CDKAL1: variants seen among roughly 807,000 people sequenced by gnomAD.
CDKAL1 encodes threonylcarbamoyladenosine tRNA methylthiotransferase.
In CDKAL1, 32 loss-of-function variants were observed where a neutral mutation model predicts 68.2. The ratio of observed to expected loss-of-function variants is 0.47; its 90% CI spans 0.35 to 0.63. The LOEUF (loss-of-function observed/expected upper bound fraction) is 0.63. Among genes scored for constraint, CDKAL1 ranks in the 30% least tolerant of loss-of-function variants. CDKAL1 has a pLI of 0.00. For missense variants in CDKAL1, 606 were observed against 696.7 expected (o/e 0.87, Z 1.47); for synonymous variants, 234 against 244.3 (o/e 0.96, Z 0.39).
At chr6:20,588,441 A>G (rs889490628) in intron 4 of CDKAL1, among the ~76,000 whole-genome samples, 11 of 152,192 alleles carry the variant, frequency 7.2e-5, no homozygotes, top group African/African-American at 2.7e-4. Flanking sequence ...AAAATTATAA[A>G]CATTTATAAA....
chr6:20,990,654 C>T (rs531757987), intron 10 of CDKAL1, among the ~76,000 whole-genome samples: 27 of 152,322 alleles, frequency 1.8e-4, no homozygotes, highest in African/African-American at 6.0e-4. Flanking sequence ...CATTCACTTT[C>T]TGATGCGATT....
At chr6:21,029,040 CTCTTT>C (rs1327622010) in intron 11 of CDKAL1, among the ~76,000 whole-genome samples, 1 of 151,942 alleles carries the variant, frequency 6.6e-6, no homozygotes, top group Non-Finnish European at 1.5e-5. Flanking sequence ...TCATTAACCT[CTCTTT>C]TCTTTTCTTT....
intron 11 of CDKAL1, among the ~76,000 whole-genome samples, chr6:21,033,025 G>A (rs1348934001): frequency 6.6e-6 from 1 of 152,098 alleles, no homozygotes; most frequent in Non-Finnish European, 1.5e-5. Context: ...TGAGGTGAGG[G>A]GATCCCCAAC....
chr6:21,120,159 G>A (rs1428267601), intron 13 of CDKAL1, among the ~76,000 whole-genome samples: 2 of 152,194 alleles, frequency 1.3e-5, no homozygotes, highest in Non-Finnish European at 2.9e-5. Context: ...TTTCCTAGGA[G>A]GCAGGCAGAA....
At chr6:20,732,283 T>TTTTTTTTTTTTTTTTTTTTTG (rs1554112044) in intron 5 of CDKAL1, among the ~76,000 whole-genome samples, 1 of 117,488 alleles carries the variant, frequency 8.5e-6, no homozygotes, top group Non-Finnish European at 1.8e-5. Flanking sequence ...TTTTTTTTTT[T>TTTTTTTTTTTTTTTTTTTTTG]TTGTTGTTGT....
chr6:20,991,064 A>G (rs1480174171), intron 10 of CDKAL1, among the ~76,000 whole-genome samples: 1 of 152,248 alleles, frequency 6.6e-6, no homozygotes, highest in African/African-American at 2.4e-5. Flanking sequence ...TGCTAATACA[A>G]ATCTATACAT....
At chr6:20,787,471 C>A (rs931080988) in intron 8 of CDKAL1, among the ~76,000 whole-genome samples, 2 of 152,150 alleles carry the variant, frequency 1.3e-5, no homozygotes, top group African/African-American at 4.8e-5. Context: ...AAAGCAAGTC[C>A]TAGTCCACAG....
At chr6:20,777,093 G>A (rs1285648811) in intron 7 of CDKAL1, among the ~76,000 whole-genome samples, 1 of 152,208 alleles carries the variant, frequency 6.6e-6, no homozygotes, top group African/African-American at 2.4e-5. Context: ...TGGGAGCTGA[G>A]CTAGCGCTAT....
chr6:21,106,142 G>T (rs1360770300), intron 12 of CDKAL1, among the ~76,000 whole-genome samples: 2 of 152,130 alleles, frequency 1.3e-5, no homozygotes, highest in South Asian at 4.1e-4. Context: ...TTTAAATACA[G>T]TCAGGCTGGC....
At chr6:20,756,737 C>T (rs1384021191) in intron 6 of CDKAL1, 5 of 152,200 alleles carry the variant, frequency 3.3e-5, no homozygotes, top group Non-Finnish European at 5.9e-5. Context: ...CAGGTCTGCT[C>T]TCACAAGCCT....
chr6:20,626,812 A>G (rs757740582), intron 4 of CDKAL1, among the ~76,000 whole-genome samples: 8 of 152,186 alleles, frequency 5.3e-5, no homozygotes, highest in Non-Finnish European at 1.0e-4. Context: ...GCATGGATCA[A>G]CAACAGCATC....
At chr6:21,153,999 C>T (rs1431896847) in intron 13 of CDKAL1, among the ~76,000 whole-genome samples, 1 of 152,112 alleles carries the variant, frequency 6.6e-6, no homozygotes, top group Non-Finnish European at 1.5e-5. Flanking sequence ...GATATTCATG[C>T]CTGCCTTTAA....
At chr6:20,586,876 C>T (rs1281390141) in intron 4 of CDKAL1, among the ~76,000 whole-genome samples, 2 of 152,012 alleles carry the variant, frequency 1.3e-5, no homozygotes, top group Non-Finnish European at 2.9e-5. Context: ...ACTTCATCTC[C>T]TGCTACCACT....
rs71540608 is a variant in CDKAL1 at position 21,003,343 on chromosome 6, AATATATAT to A, written c.1055+2993_1055+3000del. ...CAACATGGTGAAACCATCTCTACTA[AATATATAT>A]ATATATATATATATATATATACACA... On this transcript the variant is annotated intron_variant, in intron 11 of 15. Transcript: ENST00000274695. Among the ~76,000 whole-genome samples the A allele has an allele frequency of 7.9e-4, 32 of 40,446 alleles. 2 individuals carry two copies. The highest frequency in any genetic ancestry group is 1.3e-3 in the African/African-American group (15 of 11,296). 26.5% of individuals were successfully genotyped at this position (40,446 alleles called of 152,430 possible). A position where few individuals can be genotyped will look rare whatever the true frequency, so the allele number is the denominator to read the frequency against.
chr6:20,769,144 G>A (rs1388731854), intron 7 of CDKAL1, among the ~76,000 whole-genome samples: 3 of 151,818 alleles, frequency 2.0e-5, no homozygotes, highest in Non-Finnish European at 2.9e-5. Context: ...CCTTTTTCCC[G>A]TAACTCACAC....
intron 13 of CDKAL1, among the ~76,000 whole-genome samples, chr6:21,165,147 A>G (rs187666494): frequency 1.3e-4 from 20 of 152,350 alleles, no homozygotes; most frequent in Non-Finnish European, 2.6e-4. Flanking sequence ...CTTCACATCC[A>G]CTTCCTTAGC....
chr6:20,556,832 T>C (rs989455865), intron 4 of CDKAL1, among the ~76,000 whole-genome samples: 2 of 151,864 alleles, frequency 1.3e-5, no homozygotes, highest in African/African-American at 2.4e-5. Context: ...GGTCAGGAGA[T>C]CGAGGCCATC....
intron 7 of CDKAL1, among the ~76,000 whole-genome samples, chr6:20,762,810 A>T (rs971548357): frequency 9.2e-5 from 14 of 152,144 alleles, no homozygotes; most frequent in African/African-American, 3.4e-4. Flanking sequence ...TTTCAATCTG[A>T]CTGCATATCC....
At chr6:21,161,850 T>C (rs536961134) in intron 13 of CDKAL1, among the ~76,000 whole-genome samples, 1 of 152,276 alleles carries the variant, frequency 6.6e-6, no homozygotes, top group Admixed American at 6.5e-5. Context: ...GGGCTCATAA[T>C]TGTTGTCATT....
Sources: allele counts gnomAD v4.1 joint callset (sites outside exome capture counted in the v4.1 genomes callset), GRCh38; gene constraint gnomAD v4.1.1; transcripts MANE v1.5; gene names NCBI Gene and HGNC (gene_info 2026-07-23, HGNC 2026-07-21).